SYNE2: variants seen among roughly 807,000 people sequenced by gnomAD.
SYNE2 encodes nesprin-2.
In SYNE2, 431 loss-of-function variants were observed where a neutral mutation model predicts 856.3. The observed-to-expected ratio is 0.50, with a 90% CI of 0.47 to 0.55. The LOEUF (loss-of-function observed/expected upper bound fraction) is 0.55, where lower values mean the gene tolerates loss of function less well. SYNE2 is among the 20% of genes least tolerant of loss of function. SYNE2 has a pLI of 0.00. For missense variants in SYNE2, 8,129 were observed against 8,023.2 expected (o/e 1.01, Z -0.50); for synonymous variants, 2,923 against 2,872.3 (o/e 1.02, Z -0.56).
At chr14:64,144,413 C>T (rs1176079540) in intron 83 of SYNE2, among the ~76,000 whole-genome samples, 1 of 152,102 alleles carries the variant, frequency 6.6e-6, no homozygotes, top group Non-Finnish European at 1.5e-5. Context: ...TACATATAAT[C>T]ATGATGATAA....
intron 100 of SYNE2, among the ~76,000 whole-genome samples, chr14:64,204,127 G>T (rs2098594088): frequency 6.6e-6 from 1 of 152,156 alleles, no homozygotes; most frequent in African/African-American, 2.4e-5. Flanking sequence ...AAAAATACTG[G>T]TTTTTCCACT....
intron 64 of SYNE2, among the ~76,000 whole-genome samples, chr14:64,104,114 C>G (rs1393282692): frequency 6.6e-6 from 1 of 152,182 alleles, no homozygotes; most frequent in African/African-American, 2.4e-5. Flanking sequence ...CTTCGTCTTT[C>G]ATTTGCTACT....
intron 101 of SYNE2, 93 bp from the exon 102 acceptor site, chr14:64,209,335 C>G: frequency 1.3e-6 from 2 of 1,599,558 alleles, no homozygotes; most frequent in Non-Finnish European, 8.6e-7. Flanking sequence ...AGGGTCTCCC[C>G]CACTAAACCG....
chr14:64,019,878 T>A (rs2096923575), intron 34 of SYNE2, 114 bp from the exon 35 acceptor site: 2 of 753,976 alleles, frequency 2.7e-6, no homozygotes, highest in Non-Finnish European at 4.5e-6. Flanking sequence ...CACACATGAT[T>A]ATGGGAAATT....
At chr14:64,152,511 T>C in intron 84 of SYNE2, 53 bp from the exon 85 acceptor site, 1 of 1,588,684 alleles carries the variant, frequency 6.3e-7, no homozygotes, top group Non-Finnish European at 8.6e-7. Flanking sequence ...TGACACCTTA[T>C]TAATTGTTTT....
intron 1 of SYNE2, among the ~76,000 whole-genome samples, chr14:63,801,489 G>T (rs1888128685): frequency 6.6e-6 from 1 of 152,118 alleles, no homozygotes. Context: ...AGACCAGCCT[G>T]ACCAACATGG....
chr14:63,922,816 A>G (rs1595658685), intron 2 of SYNE2, among the ~76,000 whole-genome samples: 1 of 152,206 alleles, frequency 6.6e-6, no homozygotes, highest in East Asian at 1.9e-4. Flanking sequence ...CTGAATCAGA[A>G]TCTCTGGGAG....
At position 63,949,444 on chromosome 14, in the gene SYNE2, T is replaced by G. The variant is rs1280883835; in HGVS notation, c.409-381T>G. Among the ~76,000 whole-genome samples the G allele has an allele frequency of 3.9e-5, 6 of 152,260 alleles. No individual in the cohort carries two copies. The South Asian group carries it at 1.2e-3, about 31-fold the overall frequency. On this transcript the variant is annotated intron_variant, in intron 6 of 115. Coordinates refer to ENST00000555002, the MANE Select transcript of SYNE2 (RefSeq NM_182914.3). ...TTTCTATGTGTACATTTGTTCATAATGGATGCATTTCACTTGATCCAGTCT... is the reference window on the plus strand; with the variant it reads ...TTTCTATGTGTACATTTGTTCATAAGGGATGCATTTCACTTGATCCAGTCT...
chr14:64,122,086 C>G lies in SYNE2; in HGVS notation c.13233C>G (p.Pro4411=). ...AATTTAATGCTAAGAAAATGTGGCCCCAGTATTGCCAACATGATAACGATA... is the reference window on the plus strand; with the variant it reads ...AATTTAATGCTAAGAAAATGTGGCCGCAGTATTGCCAACATGATAACGATA... ...FIEFNAKKMW[P]QYCQHDNDTT... Residue 4411 remains proline (P), a synonymous_variant, in exon 69 of 116, where the codon CCC becomes CCG. Transcript: ENST00000555002. 6.2e-7 allele frequency: 1 copy of G among 1,613,906 alleles called. No individual in the cohort carries two copies. The highest frequency in any genetic ancestry group is 8.5e-7 in the Non-Finnish European group (1 of 1,179,996).
chr14:63,814,272 A>C (rs948050946), intron 1 of SYNE2, among the ~76,000 whole-genome samples: 12 of 151,100 alleles, frequency 7.9e-5, no homozygotes, highest in Non-Finnish European at 8.8e-5. Context: ...TCTGTCTTAA[A>C]AAAAAACAAA....
Position 64,225,391 on chromosome 14 carries a change from G to A in SYNE2, c.20589G>A (p.Leu6863=), listed in dbSNP as rs539934365. ...TCCGGGCAGCCCTACCCCTGCAGCTGCTCCTCCTGCTGCTGCTGCTCCTGG... is the reference window on the plus strand; with the variant it reads ...TCCGGGCAGCCCTACCCCTGCAGCTACTCCTCCTGCTGCTGCTGCTCCTGG... The part of the protein sequence containing the change: ...RVVRAALPLQ[L]LLLLLLLLAC... The change falls in exon 116 of 116, where the codon CTG becomes CTA. Residue 6863 remains leucine, a synonymous_variant. Transcript: ENST00000555002. The A allele has an allele frequency of 1.9e-6, 3 of 1,614,090 alleles. No homozygotes were observed. The highest frequency in any genetic ancestry group is 2.5e-6 in the Non-Finnish European group (3 of 1,179,982).
chr14:64,223,047 G>T, intron 112 of SYNE2, 142 bp from the exon 113 acceptor site: 1 of 776,236 alleles, frequency 1.3e-6, no homozygotes, highest in East Asian at 2.7e-5. Flanking sequence ...GACACAGGCA[G>T]ATATGAGAAA....
intron 8 of SYNE2, among the ~76,000 whole-genome samples, chr14:63,958,963 C>T (rs2096273973): frequency 6.6e-6 from 1 of 152,166 alleles, no homozygotes; most frequent in East Asian, 1.9e-4. Context: ...GATTTATCCC[C>T]ATCAGTATGA....
chr14:63,976,403 A>G (rs1477939501), intron 11 of SYNE2, among the ~76,000 whole-genome samples, 160 bp from the exon 12 acceptor site: 1 of 152,212 alleles, frequency 6.6e-6, no homozygotes, highest in Admixed American at 6.5e-5. Context: ...ATTTAAAACT[A>G]AGAAATTTAC....
intron 6 of SYNE2, among the ~76,000 whole-genome samples, chr14:63,945,057 G>A (rs906188706): frequency 1.0e-4 from 15 of 147,598 alleles, no homozygotes; most frequent in Admixed American, 6.1e-4. Context: ...CACGCACCTC[G>A]GCCTCCCAAA....
intron 113 of SYNE2, 35 bp downstream of exon 113, chr14:64,223,415 G>A: frequency 6.2e-7 from 1 of 1,609,668 alleles, no homozygotes. Context: ...TGTAAAGATT[G>A]CCGTATTACA....
At chr14:64,203,000 G>C (rs1341779836) in intron 100 of SYNE2, 37 bp downstream of exon 100, 1 of 1,611,872 alleles carries the variant, frequency 6.2e-7, no homozygotes, top group Admixed American at 1.7e-5. Flanking sequence ...CAAGAGTACG[G>C]TGTCCGCGAT....
rs558069068 is a variant in SYNE2, at chr14:64,146,328, G to A, written c.15639+105G>A. 1.4e-3 allele frequency: 1,512 copies of A among 1,063,468 alleles called. 1 individual carries two copies. Among genetic ancestry groups the A allele is most frequent in the Non-Finnish European group, 1.8e-3 (1,398 of 763,032 alleles). The allele number at this position is 1,063,468 out of a possible 1,614,324, so 65.9% of individuals were successfully genotyped here. Reference sequence around the variant, plus strand: ...TGTAGTTTGTGGAAACTCTCTTCCAGCTCCCCTCTATTTACTTATTTTCTT... The same window carrying A: ...TGTAGTTTGTGGAAACTCTCTTCCAACTCCCCTCTATTTACTTATTTTCTT... On this transcript the variant is annotated intron_variant, in intron 84 of 115. Coordinates refer to ENST00000555002, the MANE Select transcript of SYNE2 (RefSeq NM_182914.3).
At chr14:64,215,141 T>C in intron 106 of SYNE2, 145 bp from the exon 107 acceptor site, 3 of 799,486 alleles carry the variant, frequency 3.8e-6, no homozygotes, top group Non-Finnish European at 6.3e-6. Flanking sequence ...GAAAAAAAAA[T>C]CTTTCTGGTT....
Sources: gnomAD v4.1 joint callset for allele counts (sites outside exome capture counted in the v4.1 genomes callset) on GRCh38, gnomAD v4.1.1 for gene constraint, MANE v1.5 for transcripts, NCBI Gene and HGNC (gene_info 2026-07-23, HGNC 2026-07-21) for gene names.